SATB2: variants seen among roughly 807,000 people sequenced by gnomAD.
SATB2 encodes the protein DNA-binding protein SATB2.
In SATB2, 1 loss-of-function variant was observed where a neutral mutation model predicts 73.4. The observed-to-expected ratio is 0.01, with a 90% CI of 0.00 to 0.06. The LOEUF (loss-of-function observed/expected upper bound fraction) is 0.06. SATB2 is among the 10% of genes least tolerant of loss of function. The probability of loss-of-function intolerance (pLI) is 1.00; values close to 1 mark genes in which losing one functional copy is unlikely to be tolerated. For synonymous variants in SATB2, 397 were observed against 367.0 expected (o/e 1.08, Z -0.93); for missense variants, 459 against 945.8 (o/e 0.49, Z 6.75).
At chr2:199,345,540 A>C (rs1006867143) in intron 7 of SATB2, among the ~76,000 whole-genome samples, 8 of 148,976 alleles carry the variant, frequency 5.4e-5, no homozygotes, top group Non-Finnish European at 1.2e-4. Flanking sequence ...TACTCCAACC[A>C]CTCTTTCCAT....
intron 5 of SATB2, among the ~76,000 whole-genome samples, chr2:199,375,134 G>A (rs765714647): frequency 2.6e-4 from 40 of 152,088 alleles, no homozygotes; most frequent in Non-Finnish European, 4.4e-4. Flanking sequence ...ATCAAAAGCC[G>A]ACCTTAGGTA....
At chr2:199,397,027 A>G (rs1690321731) in intron 3 of SATB2, 1 of 152,192 alleles carries the variant, frequency 6.6e-6, no homozygotes, top group African/African-American at 2.4e-5. Context: ...ATAACAAAAT[A>G]AAAGGTGCTA....
chr2:199,373,140 G>C (rs903803131), intron 5 of SATB2, among the ~76,000 whole-genome samples: 2 of 152,134 alleles, frequency 1.3e-5, no homozygotes, highest in Non-Finnish European at 2.9e-5. Context: ...TATTCTGTCA[G>C]TGAGAATCCC....
intron 3 of SATB2, among the ~76,000 whole-genome samples, chr2:199,406,812 T>C (rs1690642723): frequency 6.6e-6 from 1 of 152,078 alleles, no homozygotes; most frequent in Non-Finnish European, 1.5e-5. Flanking sequence ...GAAATCATGT[T>C]AGGGGAGATG....
intron 3 of SATB2, among the ~76,000 whole-genome samples, chr2:199,389,048 G>C (rs1690044454): frequency 6.6e-6 from 1 of 152,126 alleles, no homozygotes; most frequent in Non-Finnish European, 1.5e-5. Flanking sequence ...TCACTACCCA[G>C]CAGTATATAA....
intron 5 of SATB2, among the ~76,000 whole-genome samples, 185 bp downstream of exon 5, chr2:199,380,179 C>T (rs1050833914): frequency 1.3e-5 from 2 of 152,178 alleles, no homozygotes; most frequent in African/African-American, 4.8e-5. Context: ...CTACCCCATG[C>T]CCGGTTAATA....
chr2:199,372,789 G>A (rs1233548711), intron 5 of SATB2, among the ~76,000 whole-genome samples: 4 of 152,148 alleles, frequency 2.6e-5, no homozygotes. Context: ...AAAACATGAA[G>A]CTGTGATCTC....
At chr2:199,401,496 T>G (rs1574592411) in intron 3 of SATB2, among the ~76,000 whole-genome samples, 1 of 149,776 alleles carries the variant, frequency 6.7e-6, no homozygotes, top group South Asian at 2.1e-4. Context: ...GAGGTTGCAG[T>G]GAGCTGAGAC....
chr2:199,302,100 T>C (rs1687303701), intron 10 of SATB2, among the ~76,000 whole-genome samples: 1 of 152,196 alleles, frequency 6.6e-6, no homozygotes, highest in Non-Finnish European at 1.5e-5. Flanking sequence ...AAACTGCACA[T>C]TTCTTTGGCC....
At chr2:199,393,311 G>A (rs1690203538) in intron 3 of SATB2, among the ~76,000 whole-genome samples, 1 of 152,148 alleles carries the variant, frequency 6.6e-6, no homozygotes, top group African/African-American at 2.4e-5. Flanking sequence ...TCACTGTGCC[G>A]TGGCCAGTGG....
chr2:199,448,462 G>A (rs980120425), intron 2 of SATB2, among the ~76,000 whole-genome samples: 1 of 151,906 alleles, frequency 6.6e-6, no homozygotes, highest in Non-Finnish European at 1.5e-5. Flanking sequence ...TTGCTTTCCA[G>A]CCAAATGCAA....
chr2:199,436,896 CA>C (rs1451040253), intron 2 of SATB2, among the ~76,000 whole-genome samples: 2 of 138,046 alleles, frequency 1.4e-5, no homozygotes, highest in Non-Finnish European at 3.1e-5. Flanking sequence ...TCGTCCCAGG[CA>C]AAAAGAGGGA....
chr2:199,395,297 C>T (rs1383949850), intron 3 of SATB2, among the ~76,000 whole-genome samples: 2 of 152,102 alleles, frequency 1.3e-5, no homozygotes, highest in African/African-American at 4.8e-5. Flanking sequence ...TATGTTGCTA[C>T]ACTAGAAGAA....
intron 3 of SATB2, chr2:199,395,796 G>A (rs1311498804): frequency 6.6e-6 from 1 of 152,164 alleles, no homozygotes; most frequent in Non-Finnish European, 1.5e-5. Context: ...CTGGGTTGGG[G>A]TAGTATATTC....
chr2:199,320,061 C>T (rs1037612162), intron 9 of SATB2, among the ~76,000 whole-genome samples: 1 of 152,088 alleles, frequency 6.6e-6, no homozygotes, highest in Admixed American at 6.6e-5. Flanking sequence ...AGCGGCCCTA[C>T]AGAATCTGCA....
At chr2:199,390,253 T>C (rs1319987052) in intron 3 of SATB2, among the ~76,000 whole-genome samples, 2 of 152,192 alleles carry the variant, frequency 1.3e-5, no homozygotes, top group Non-Finnish European at 2.9e-5. Context: ...TGGTGTTTAG[T>C]TATTTATTTC....
At position 199,453,034 on chromosome 2, in the gene SATB2, T is replaced by C. The variant is rs143279123; in HGVS notation, c.169+2835A>G. Among the ~76,000 whole-genome samples, 1,034 of 152,248 alleles carry C rather than the reference T, an allele frequency of 6.8e-3. 9 individuals carry two copies. The highest frequency in any genetic ancestry group is 0.016 in the Admixed American group (240 of 15,278). On this transcript the variant is annotated intron_variant, in intron 2 of 10. Coordinates refer to ENST00000417098, the MANE Select transcript of SATB2 (RefSeq NM_001172509.2). ...GTATCTACCCTCTCTTCTATTTAAATTGAGACACTAAAGTAATGCCCCTTC... is the reference window on the plus strand; with the variant it reads ...GTATCTACCCTCTCTTCTATTTAAACTGAGACACTAAAGTAATGCCCCTTC...
At chr2:199,354,274 T>C (rs1419211942) in intron 6 of SATB2, among the ~76,000 whole-genome samples, 1 of 152,136 alleles carries the variant, frequency 6.6e-6, no homozygotes, top group Non-Finnish European at 1.5e-5. Flanking sequence ...GAGAATCACT[T>C]GAATCCAGGA....
At chr2:199,316,762 C>T (rs1469847531) in intron 9 of SATB2, among the ~76,000 whole-genome samples, 2 of 152,052 alleles carry the variant, frequency 1.3e-5, no homozygotes, top group Non-Finnish European at 2.9e-5. Context: ...ATTTGGTACA[C>T]CTTTACACAT....
Sources: gnomAD v4.1 joint callset for allele counts (sites outside exome capture counted in the v4.1 genomes callset) on GRCh38, gnomAD v4.1.1 for gene constraint, MANE v1.5 for transcripts, NCBI Gene and HGNC (gene_info 2026-07-23, HGNC 2026-07-21) for gene names.